The following POU2F2 variants were observed in gnomAD, a reference collection of about 807,000 sequenced individuals.
The protein encoded by POU2F2 is POU domain, class 2, transcription factor 2.
In POU2F2, 14 loss-of-function variants were observed where a neutral mutation model predicts 63.5. The observed-to-expected ratio is 0.22, with a 90% CI of 0.15 to 0.34. POU2F2 has a LOEUF of 0.34. Ranked by LOEUF, POU2F2 falls within the 10% of genes least tolerant of loss-of-function variation. The pLI is 1.00. For synonymous variants in POU2F2, 306 were observed against 348.6 expected (o/e 0.88, Z 1.36); for missense variants, 607 against 815.2 (o/e 0.74, Z 3.11).
rs1033289638 is a variant in POU2F2 at position 42,117,921 on chromosome 19, C to T, written c.187-489G>A. On this transcript the variant is annotated intron_variant, in intron 4 of 14. Coordinates refer to ENST00000692977, the MANE Select transcript of POU2F2 (RefSeq NM_001394376.1). This position sits in a 1 kb window ranked among gnomAD's most constrained non-coding sequence, Gnocchi z 4.4. The stretch of plus-strand genomic sequence containing the variant: ...ATCACACAGAGGTACATCTCTCTTG[C>T]TTTTTTTTTCTTTTTGTTTTTGAGA... Among the ~76,000 whole-genome samples the T allele has an allele frequency of 2.6e-5, 4 of 150,982 alleles. No individual in the cohort carries two copies. The highest frequency in any genetic ancestry group is 9.7e-5 in the African/African-American group (4 of 41,068).
chr19:42,173,821 T>C (rs2034818079), intron 1 of POU2F2, among the ~76,000 whole-genome samples: 1 of 151,994 alleles, frequency 6.6e-6, no homozygotes, highest in Non-Finnish European at 1.5e-5. Context: ...CTCAGGGAAA[T>C]GGGGGTCTGG....
At chr19:42,132,593 G>A (rs2033847915), upstream of POU2F2, 3 of 484,826 alleles carry the variant, frequency 6.2e-6, no homozygotes, top group Non-Finnish European at 1.1e-5. Context: ...CCCAAATCAT[G>A]TGTGTGTGCT....
intron 12 of POU2F2, 146 bp downstream of exon 12, chr19:42,093,683 T>C (rs2076815914): frequency 1.3e-6 from 1 of 750,226 alleles, no homozygotes; most frequent in Non-Finnish European, 2.2e-6. Flanking sequence ...TCCTACCCTC[T>C]TCCCACTGTC....
At chr19:42,146,032 CAAA>C (rs1004458482) in intron 2 of POU2F2, among the ~76,000 whole-genome samples, 4 of 49,770 alleles carry the variant, frequency 8.0e-5, no homozygotes, top group Non-Finnish European at 1.3e-4. Flanking sequence ...GACTCCGTCT[CAAA>C]AAAAAAAAAA....
chr19:42,132,422 C>A lies in POU2F2; in HGVS notation c.-11G>T. The A allele has an allele frequency of 6.7e-7, 1 of 1,495,686 alleles. No homozygotes were observed. Among genetic ancestry groups the A allele is most frequent in the Non-Finnish European group, 8.9e-7 (1 of 1,124,646 alleles). The allele number at this position is 1,495,686 out of a possible 1,614,324, so 92.7% of individuals were successfully genotyped here. A position where few individuals can be genotyped will look rare whatever the true frequency, so the allele number is the denominator to read the frequency against. ...GCTGGAGTGAACCATGCTGCCCGCC[C>A]CGCCAGGGCTGGGGGAACAACTGTG... On this transcript the variant is annotated 5_prime_UTR_variant, in exon 1 of 15. Coordinates refer to ENST00000692977, the MANE Select transcript of POU2F2 (RefSeq NM_001394376.1).
At chr19:42,100,909 C>T (rs2077113112) in intron 5 of POU2F2, among the ~76,000 whole-genome samples, 1 of 152,134 alleles carries the variant, frequency 6.6e-6, no homozygotes. Flanking sequence ...ACCATCCTGG[C>T]TAACACAGTG....
At position 42,089,115 on chromosome 19, in the gene POU2F2, T is replaced by G. The variant is rs1051595228; in HGVS notation, c.*2142A>C. ...CAAGGGGCAGGGGCCACACTACGGCTGTCAGGCCCCACCCTGATTTCAATG... is the reference window on the plus strand; with the variant it reads ...CAAGGGGCAGGGGCCACACTACGGCGGTCAGGCCCCACCCTGATTTCAATG... On this transcript the variant is annotated 3_prime_UTR_variant, in exon 15 of 15. Coordinates refer to ENST00000692977, the MANE Select transcript of POU2F2 (RefSeq NM_001394376.1). The G allele has an allele frequency of 1.3e-5, 2 of 152,680 alleles. No homozygotes were observed. The highest frequency in any genetic ancestry group is 4.8e-5 in the African/African-American group (2 of 41,464). The allele number at this position is 152,680 out of a possible 1,614,324, so 9.5% of individuals were successfully genotyped here.
chr19:42,152,212 C>T lies in POU2F2; in HGVS notation c.-9+8120G>A, dbSNP rs1004905435. 5.9e-5 allele frequency among the ~76,000 whole-genome samples: 9 copies of T among 152,096 alleles called. No homozygotes were observed. Among genetic ancestry groups the T allele is most frequent in the Non-Finnish European group, 1.0e-4 (7 of 68,006 alleles). On this transcript the variant is annotated intron_variant, in intron 2 of 6. Transcript: ENST00000524801. This position sits in a 1 kb window ranked among gnomAD's most constrained non-coding sequence, Gnocchi z 4.1. ...CAGGGATATGGAGCCTCCAAAGAGACAGAAGGAAACAGGCAGATCTTCTGT... is the reference window on the plus strand; with the variant it reads ...CAGGGATATGGAGCCTCCAAAGAGATAGAAGGAAACAGGCAGATCTTCTGT...
chr19:42,119,859 GT>G (rs2032385123), intron 4 of POU2F2, among the ~76,000 whole-genome samples: 1 of 152,116 alleles, frequency 6.6e-6, no homozygotes, highest in Non-Finnish European at 1.5e-5. Flanking sequence ...TTATCTTAAA[GT>G]CTCTGATTGG....
At chr19:42,109,574 T>TA (rs2030735891) in intron 5 of POU2F2, among the ~76,000 whole-genome samples, 1 of 152,248 alleles carries the variant, frequency 6.6e-6, no homozygotes. Context: ...TCTGGTGTTC[T>TA]ATTGCACGGT....
At position 42,100,085 on chromosome 19, in the gene POU2F2, C is replaced by CTTTTTTTTTTT. The variant is rs948283094; in HGVS notation, c.370-275_370-265dup. Among the ~76,000 whole-genome samples the CTTTTTTTTTTT allele has an allele frequency of 2.7e-4, 21 of 77,078 alleles. 2 individuals are homozygous for CTTTTTTTTTTT. The highest frequency in any genetic ancestry group is 6.1e-4 in the Admixed American group (4 of 6,586). 50.6% of individuals were successfully genotyped at this position (77,078 alleles called of 152,430 possible). ...CTCACTCTTTATTTACCCTTTCTTT[C>CTTTTTTTTTTT]TTTTTTTTTTTTTTTTTTTTTTTTT... On this transcript the variant is annotated intron_variant, in intron 5 of 14. Transcript: ENST00000692977.
At chr19:42,151,185 TC>T (rs1194432852) in intron 2 of POU2F2, among the ~76,000 whole-genome samples, 1 of 151,790 alleles carries the variant, frequency 6.6e-6, no homozygotes, top group Non-Finnish European at 1.5e-5. Context: ...TCAGGCCACG[TC>T]CCCTCAGCTT....
chr19:42,184,036 T>TC, intron 1 of POU2F2, among the ~76,000 whole-genome samples: 1 of 139,358 alleles, frequency 7.2e-6, no homozygotes, highest in Non-Finnish European at 1.5e-5. Context: ...GTCTCTCTCC[T>TC]CCCTCTGTCA....
At chr19:42,174,321 C>T (rs974052594) in intron 1 of POU2F2, among the ~76,000 whole-genome samples, 1 of 152,154 alleles carries the variant, frequency 6.6e-6, no homozygotes, top group Non-Finnish European at 1.5e-5. Flanking sequence ...GACCTAGTAC[C>T]CATACACAGA....
upstream of POU2F2, chr19:42,134,712 G>A (rs925291896): frequency 6.6e-5 from 10 of 152,614 alleles, no homozygotes; most frequent in African/African-American, 2.2e-4. Flanking sequence ...GGCGGTACAG[G>A]GGAGGCCAGG....
At position 42,162,571 on chromosome 19, in the gene POU2F2, A is replaced by G. The variant is rs2034572959; in HGVS notation, c.-69-2179T>C. On this transcript the variant is annotated intron_variant, in intron 1 of 6. Transcript: ENST00000524801. This position sits in a 1 kb window ranked among gnomAD's most constrained non-coding sequence, Gnocchi z 4.1. Reference sequence around the variant, plus strand: ...ACATTTCCTGCAGCTGTGCACATAAAGGGTAGATTCCAGTGTTCACAGAGG... The same window carrying G: ...ACATTTCCTGCAGCTGTGCACATAAGGGGTAGATTCCAGTGTTCACAGAGG... 6.6e-6 allele frequency among the ~76,000 whole-genome samples: 1 copy of G among 152,140 alleles called. No individual in the cohort carries two copies. Among genetic ancestry groups the G allele is most frequent in the Non-Finnish European group, 1.5e-5 (1 of 68,028 alleles).
rs2034452190 is a variant in POU2F2 at position 42,156,115 on chromosome 19, T to A, written c.-9+4217A>T. The A allele has an allele frequency of 6.6e-6, 1 of 152,148 alleles. No homozygotes were observed. Among genetic ancestry groups the A allele is most frequent in the Non-Finnish European group, 1.5e-5 (1 of 68,040 alleles). The allele number at this position is 152,148 out of a possible 1,614,324, so 9.4% of individuals were successfully genotyped here. A position where few individuals can be genotyped will look rare whatever the true frequency, so the allele number is the denominator to read the frequency against. ...GAGCCCTGAGGAACGTCTCTCTATTTGAAGTCAGAGCCGAGTGCCTGCTCT... is the reference window on the plus strand; with the variant it reads ...GAGCCCTGAGGAACGTCTCTCTATTAGAAGTCAGAGCCGAGTGCCTGCTCT... On this transcript the variant is annotated intron_variant, in intron 2 of 6. Transcript: ENST00000524801. The surrounding 1 kb of genome is among the most constrained non-coding windows in gnomAD (Gnocchi z 4.1).
intron 5 of POU2F2, among the ~76,000 whole-genome samples, chr19:42,107,945 C>T (rs1194211201): frequency 6.6e-6 from 1 of 152,142 alleles, no homozygotes; most frequent in African/African-American, 2.4e-5. Context: ...CTTCCTGTTA[C>T]TGAACCACAA....
intron 7 of POU2F2, among the ~76,000 whole-genome samples, chr19:42,098,125 A>G (rs1449625844): frequency 2.0e-5 from 3 of 152,224 alleles, no homozygotes; most frequent in Non-Finnish European, 4.4e-5. Context: ...GAAAACCTAC[A>G]TAGGCAGCCA....
Sources: gnomAD v4.1 joint callset for allele counts (sites outside exome capture counted in the v4.1 genomes callset) on GRCh38, gnomAD v4.1.1 for gene constraint, Gnocchi (gnomAD v3.1) non-coding constraint, MANE v1.5 for transcripts, NCBI Gene and HGNC (gene_info 2026-07-23, HGNC 2026-07-21) for gene names.